GABRB2: variants seen among roughly 807,000 people sequenced by gnomAD.
GABRB2 encodes gamma-aminobutyric acid receptor subunit beta-2.
A neutral mutation model predicts 54.7 loss-of-function variants in GABRB2; 16 were observed. The ratio of observed to expected loss-of-function variants is 0.29; its 90% CI spans 0.20 to 0.44. The LOEUF (loss-of-function observed/expected upper bound fraction) is 0.44, where lower values mean the gene tolerates loss of function less well. Ranked by LOEUF, GABRB2 falls within the 20% of genes least tolerant of loss-of-function variation. The probability of loss-of-function intolerance (pLI) is 1.00; values close to 1 mark genes in which losing one functional copy is unlikely to be tolerated. For missense variants in GABRB2, 355 were observed against 644.0 expected (o/e 0.55, Z 4.86); for synonymous variants, 244 against 233.8 (o/e 1.04, Z -0.40).
At chr5:161,355,822 T>C (rs1754606636) in intron 5 of GABRB2, among the ~76,000 whole-genome samples, 2 of 151,820 alleles carry the variant, frequency 1.3e-5, no homozygotes, top group South Asian at 4.1e-4. Flanking sequence ...TGTATAGGAG[T>C]GTTTGAAGGT....
At chr5:161,301,477 G>A (rs896698672) in intron 9 of GABRB2, among the ~76,000 whole-genome samples, 2 of 151,598 alleles carry the variant, frequency 1.3e-5, no homozygotes, top group South Asian at 4.2e-4. Context: ...TAACCAATCA[G>A]AAGGACCATG....
intron 3 of GABRB2, 87 bp from the exon 4 acceptor site, chr5:161,459,931 T>C: frequency 1.4e-6 from 1 of 696,988 alleles, no homozygotes; most frequent in Admixed American, 3.0e-5. Context: ...AATAAGAAAA[T>C]GAATTTATTT....
chr5:161,315,214 T>C (rs1757986958), intron 9 of GABRB2, among the ~76,000 whole-genome samples: 1 of 152,224 alleles, frequency 6.6e-6, no homozygotes, highest in Non-Finnish European at 1.5e-5. Flanking sequence ...AGAATAAATA[T>C]GTTTACAAAA....
intron 5 of GABRB2, among the ~76,000 whole-genome samples, chr5:161,409,963 A>G (rs1756458887): frequency 6.6e-6 from 1 of 152,140 alleles, no homozygotes. Flanking sequence ...CCTGGAAGCT[A>G]TCTTTTAAAT....
At chr5:161,325,708 C>A (rs566988486) in intron 9 of GABRB2, among the ~76,000 whole-genome samples, 2 of 152,250 alleles carry the variant, frequency 1.3e-5, no homozygotes, top group Non-Finnish European at 2.9e-5. Flanking sequence ...ATATGAATGA[C>A]AACTTGCCAA....
intron 8 of GABRB2, 57 bp downstream of exon 8, chr5:161,330,826 T>C (rs1753816081): frequency 6.2e-7 from 1 of 1,610,530 alleles, no homozygotes; most frequent in African/African-American, 1.3e-5. Context: ...TCAACCTGTA[T>C]TGCTAGCATT....
chr5:161,434,631 TA>T (rs1188532794), intron 4 of GABRB2, among the ~76,000 whole-genome samples: 1 of 152,182 alleles, frequency 6.6e-6, no homozygotes, highest in African/African-American at 2.4e-5. Flanking sequence ...TGGGTAACTC[TA>T]AGTCTTTAAG....
At chr5:161,418,915 C>T (rs1756763368) in intron 4 of GABRB2, among the ~76,000 whole-genome samples, 1 of 152,082 alleles carries the variant, frequency 6.6e-6, no homozygotes, top group Non-Finnish European at 1.5e-5. Flanking sequence ...TTGCTTGAGC[C>T]CATGAGTTCG....
chr5:161,305,753 T>G (rs759399301), intron 9 of GABRB2, among the ~76,000 whole-genome samples: 1 of 152,236 alleles, frequency 6.6e-6, no homozygotes, highest in Non-Finnish European at 1.5e-5. Flanking sequence ...GACATTTGTT[T>G]TGGTTTCTTT....
At chr5:161,463,555 TTATA>T (rs869302091) in intron 3 of GABRB2, among the ~76,000 whole-genome samples, 11 of 23,692 alleles carry the variant, frequency 4.6e-4, no homozygotes, top group African/African-American at 1.8e-3. Flanking sequence ...ATATTTTTAT[TTATA>T]TATATATATA....
Position 161,463,150 on chromosome 5 carries a change from A to AC in GABRB2, c.238-3307dup, listed in dbSNP as rs1385795336. ...CAGGTTATTTCTTCCACGAATTACA[A>AC]CTAAAAATTCTGGACGAAATAAAAC... On this transcript the variant is annotated intron_variant, in intron 3 of 9. Coordinates refer to ENST00000393959, the MANE Select transcript of GABRB2 (RefSeq NM_001371727.1). Among the ~76,000 whole-genome samples, 6 of 152,086 alleles carry AC rather than the reference A, an allele frequency of 3.9e-5. No individual in the cohort carries two copies. The East Asian group carries it at 9.7e-4, about 25-fold the overall frequency.
intron 6 of GABRB2, 128 bp downstream of exon 6, chr5:161,336,504 A>G: frequency 9.1e-7 from 1 of 1,093,076 alleles, no homozygotes; most frequent in Non-Finnish European, 1.3e-6. Flanking sequence ...TGGGAAACTG[A>G]GGGTTTTCAG....
At chr5:161,334,947 T>C in intron 6 of GABRB2, 43 bp from the exon 7 acceptor site, 1 of 1,591,442 alleles carries the variant, frequency 6.3e-7, no homozygotes. Context: ...CAATCAATAT[T>C]TATAGGATAC....
In GABRB2 at chr5:161,486,187, G is replaced by C. The variant is rs151175107; in HGVS notation, c.238-26343C>G. Among the ~76,000 whole-genome samples, 4 of 152,024 alleles carry C rather than the reference G, an allele frequency of 2.6e-5. No homozygotes were observed. The East Asian group carries it at 7.8e-4, about 30-fold the overall frequency. ...AGATGGGTCTACACTGAACTTTGAA[G>C]AATAGAAAGGATTAGCAGAGAAATA... On this transcript the variant is annotated intron_variant, in intron 3 of 9. Coordinates refer to ENST00000393959, the MANE Select transcript of GABRB2 (RefSeq NM_001371727.1).
chr5:161,467,053 G>C (rs1561660645), intron 3 of GABRB2, among the ~76,000 whole-genome samples: 1 of 152,036 alleles, frequency 6.6e-6, no homozygotes, highest in South Asian at 2.1e-4. Flanking sequence ...AGAGTTTAAA[G>C]TTTATTTTCA....
At chr5:161,380,481 C>T (rs566257128) in intron 5 of GABRB2, among the ~76,000 whole-genome samples, 16 of 152,046 alleles carry the variant, frequency 1.1e-4, no homozygotes, top group Non-Finnish European at 2.1e-4. Flanking sequence ...AACTTTGCAC[C>T]CAATTGCATT....
At position 161,546,650 on chromosome 5, in the gene GABRB2, A is replaced by C; in HGVS notation, c.-7T>G. On this transcript the variant is annotated 5_prime_UTR_variant, in exon 1 of 10. Coordinates refer to ENST00000393959, the MANE Select transcript of GABRB2 (RefSeq NM_001371727.1). The stretch of plus-strand genomic sequence containing the variant: ...TTTTCCGCACTCTCCACATCCCTTT[A>C]GTTTTTGATGGAATTGAGGGTTTCA... 1 of 1,587,176 alleles carries C rather than the reference A, an allele frequency of 6.3e-7. No individual in the cohort carries two copies. Among genetic ancestry groups the C allele is most frequent in the Non-Finnish European group, 8.6e-7 (1 of 1,165,382 alleles).
chr5:161,537,323 A>G (rs1486209139), intron 3 of GABRB2, among the ~76,000 whole-genome samples: 2 of 152,192 alleles, frequency 1.3e-5, no homozygotes, highest in East Asian at 3.9e-4. Context: ...TCGTCTCTCT[A>G]TATAACTGCT....
At chr5:161,421,346 C>A (rs569358088) in intron 4 of GABRB2, among the ~76,000 whole-genome samples, 3 of 152,144 alleles carry the variant, frequency 2.0e-5, no homozygotes, top group East Asian at 1.9e-4. Flanking sequence ...GCCATTAGAG[C>A]GACCCCCAGA....
Sources: gnomAD v4.1 joint callset for allele counts (sites outside exome capture counted in the v4.1 genomes callset) on GRCh38, gnomAD v4.1.1 for gene constraint, MANE v1.5 for transcripts, NCBI Gene and HGNC (gene_info 2026-07-23, HGNC 2026-07-21) for gene names.